The following D2HGDH variants were observed in gnomAD, a reference collection of about 807,000 sequenced individuals.
The protein encoded by D2HGDH is D-2-hydroxyglutarate dehydrogenase, mitochondrial.
Under a neutral mutation model 46.9 loss-of-function variants are expected in D2HGDH, and 31 were observed. The observed-to-expected ratio is 0.66, with a 90% CI of 0.50 to 0.89. The LOEUF (loss-of-function observed/expected upper bound fraction) is 0.89, where lower values mean the gene tolerates loss of function less well. Among genes scored for constraint, D2HGDH ranks in the 40% least tolerant of loss-of-function variants. The pLI is 0.00. For missense variants in D2HGDH, 698 were observed against 720.8 expected, an observed-to-expected ratio of 0.97 and a Z score of 0.36; for synonymous variants, 364 against 332.6, an observed-to-expected ratio of 1.09 and a Z score of -1.03.
At chr2:241,762,736 A>G (rs545055661) in intron 9 of D2HGDH, among the ~76,000 whole-genome samples, 2 of 152,282 alleles carry the variant, frequency 1.3e-5, no homozygotes, top group Middle Eastern at 6.8e-3. Flanking sequence ...TCTGTCTGCT[A>G]AGGTCCACAG....
chr2:241,749,967 A>G (rs1318010081), intron 6 of D2HGDH, 184 bp from the exon 7 acceptor site: 7 of 759,116 alleles, frequency 9.2e-6, no homozygotes, highest in African/African-American at 1.7e-5. Context: ...GCTGGTGGTA[A>G]CACCAGGCGT....
intron 9 of D2HGDH, among the ~76,000 whole-genome samples, chr2:241,761,508 C>T (rs1468783980): frequency 2.6e-5 from 4 of 152,160 alleles, no homozygotes; most frequent in Non-Finnish European, 4.4e-5. Context: ...CACTTCACTC[C>T]AGCCTGGGCA....
chr2:241,763,536 C>T (rs917135406), intron 9 of D2HGDH, among the ~76,000 whole-genome samples: 2 of 152,096 alleles, frequency 1.3e-5, no homozygotes, highest in Admixed American at 6.6e-5. Context: ...AGGAGATGAC[C>T]GTACTCTACT....
chr2:241,745,570 G>C (rs1695647633), intron 6 of D2HGDH, among the ~76,000 whole-genome samples: 1 of 152,186 alleles, frequency 6.6e-6, no homozygotes. Context: ...GACTCCGCAT[G>C]CTTGTTCCTT....
Position 241,743,810 on chromosome 2 carries a change from G to C in D2HGDH, c.679G>C (p.Glu227Gln), listed in dbSNP as rs371840024. 3.1e-6 allele frequency: 5 copies of C among 1,599,250 alleles called. No individual in the cohort carries two copies. The highest frequency in any genetic ancestry group is 4.3e-6 in the Non-Finnish European group (5 of 1,173,544). The change falls in exon 5 of 10, where the codon GAA (glutamate) becomes CAA (glutamine). Residue 227 changes from glutamate (E) to glutamine (Q), a missense_variant. By Grantham distance (29) the Glu-to-Gln change is conservative. Transcript: ENST00000321264. The surrounding 1 kb of genome is among the most constrained non-coding windows in gnomAD (Gnocchi z 4.8). ...ACTGCATGGGACTGTCCTGGGCCTG[G>C]AAGTGGTGAGCTGGGGCAGCTGCTT... is the stretch of plus-strand genomic sequence containing the variant. ...GSLHGTVLGL[E>Q]VVLADGTVLD... is the part of the protein sequence containing the mutation.
intron 2 of D2HGDH, among the ~76,000 whole-genome samples, chr2:241,738,117 G>C (rs1487451724): frequency 1.3e-5 from 2 of 152,188 alleles, no homozygotes; most frequent in Non-Finnish European, 2.9e-5. Context: ...TGGACCAATG[G>C]TCACTGTGTA....
chr2:241,752,137 CTTAG>C (rs1401047595), intron 8 of D2HGDH, among the ~76,000 whole-genome samples: 2 of 152,254 alleles, frequency 1.3e-5, no homozygotes, highest in East Asian at 3.9e-4. Flanking sequence ...TTTACTCCCG[CTTAG>C]TTGATTTCAG....
intron 1 of D2HGDH, chr2:241,734,927 G>A (rs946170655): frequency 3.5e-5 from 13 of 371,268 alleles, no homozygotes; most frequent in Non-Finnish European, 5.3e-5. Flanking sequence ...AGGTCCCGGC[G>A]AGGCCGCCCC....
Position 241,768,205 on chromosome 2 carries a change from A to C in D2HGDH, c.*236A>C. On this transcript the variant is annotated 3_prime_UTR_variant, in exon 10 of 10. Coordinates refer to ENST00000321264, the MANE Select transcript of D2HGDH (RefSeq NM_152783.5). ...TTGCAGGGCGAGGTGGGGCCTCTGCAGCCATCCTGGACAGGCCGGGGTGGC... is the reference window on the plus strand; with the variant it reads ...TTGCAGGGCGAGGTGGGGCCTCTGCCGCCATCCTGGACAGGCCGGGGTGGC... 1 of 662,598 alleles carries C rather than the reference A, an allele frequency of 1.5e-6. No individual in the cohort carries two copies. Among genetic ancestry groups the C allele is most frequent in the Non-Finnish European group, 2.5e-6 (1 of 399,822 alleles). 41.0% of individuals were successfully genotyped at this position (662,598 alleles called of 1,614,324 possible).
rs765147033 is a variant in D2HGDH, at chr2:241,743,772, T to C, written c.641T>C (p.Leu214Pro). The C allele has an allele frequency of 6.2e-7, 1 of 1,610,160 alleles. No individual in the cohort carries two copies. The highest frequency in any genetic ancestry group is 8.5e-7 in the Non-Finnish European group (1 of 1,178,502). ...ACCAACGCTGGAGGCCTGCGGTTTC[T>C]TCGATATGGCTCACTGCATGGGACT... The part of the protein sequence containing the change: ...VATNAGGLRF[L>P]RYGSLHGTVL... The change falls in exon 5 of 10, where the codon CTT becomes CCT. Residue 214 changes from leucine (L) to proline (P), a missense_variant. By Grantham distance (98) the Leu-to-Pro change is moderately conservative. Coordinates refer to ENST00000321264, the MANE Select transcript of D2HGDH (RefSeq NM_152783.5). The surrounding 1 kb of genome is among the most constrained non-coding windows in gnomAD (Gnocchi z 4.8).
At chr2:241,735,576 T>A in intron 2 of D2HGDH, 60 bp downstream of exon 2, 1 of 1,589,944 alleles carries the variant, frequency 6.3e-7, no homozygotes, top group Non-Finnish European at 8.5e-7. Context: ...CGCCTTCCCG[T>A]GGAGGCTTCA....
intron 2 of D2HGDH, among the ~76,000 whole-genome samples, chr2:241,737,242 T>G (rs1693168542): frequency 6.6e-6 from 1 of 152,234 alleles, no homozygotes; most frequent in Non-Finnish European, 1.5e-5. Context: ...AGTGCTGGGA[T>G]TACAGGCATG....
At chr2:241,739,490 G>A (rs1380150974) in intron 2 of D2HGDH, among the ~76,000 whole-genome samples, 1 of 152,230 alleles carries the variant, frequency 6.6e-6, no homozygotes, top group Non-Finnish European at 1.5e-5. Context: ...AGACATAAGT[G>A]GCTTTCTGAT....
At chr2:241,764,319 C>T (rs1008050225) in intron 9 of D2HGDH, among the ~76,000 whole-genome samples, 20 of 152,210 alleles carry the variant, frequency 1.3e-4, no homozygotes, top group African/African-American at 4.8e-4. Flanking sequence ...ATGGACCCTG[C>T]AGCTACAGAC....
At chr2:241,750,697 A>T (rs1235614386) in intron 7 of D2HGDH, among the ~76,000 whole-genome samples, 2 of 151,646 alleles carry the variant, frequency 1.3e-5, no homozygotes, top group Non-Finnish European at 2.9e-5. Flanking sequence ...TTGTTGGGGG[A>T]TGGAGTTTCG....
In D2HGDH at chr2:241,735,449, C is replaced by T. The variant is rs747611514; in HGVS notation, c.225C>T (p.Pro75=). 13 of 1,609,642 alleles carry T rather than the reference C, an allele frequency of 8.1e-6. No homozygotes were observed. In the East Asian group the frequency reaches 2.0e-4, roughly 25 times the overall value. ...QDLAAFERIV[P]GGVVTDPEAL... ...TGGCCGCCTTTGAGCGCATCGTGCC[C>T]GGCGGGGTCGTCACGGACCCGGAAG... Residue 75 remains proline, a synonymous_variant, in exon 2 of 10, where the codon CCC becomes CCT. Transcript: ENST00000321264.
Position 241,743,965 on chromosome 2 carries a change from A to G in D2HGDH, c.684+150A>G. 9 of 833,362 alleles carry G rather than the reference A, an allele frequency of 1.1e-5. No individual in the cohort carries two copies. The highest frequency in any genetic ancestry group is 1.7e-5 in the Non-Finnish European group (9 of 537,436). 51.6% of individuals were successfully genotyped at this position (833,362 alleles called of 1,614,324 possible). A position where few individuals can be genotyped will look rare whatever the true frequency, so the allele number is the denominator to read the frequency against. On this transcript the variant is annotated intron_variant, in intron 5 of 9. Transcript: ENST00000321264. This position sits in a 1 kb window ranked among gnomAD's most constrained non-coding sequence, Gnocchi z 4.8. ...TGGGCCCCTCAAGGATGTGTGGGCTACATACACCCCCATCCTGAGGGAGGC... is the reference window on the plus strand; with the variant it reads ...TGGGCCCCTCAAGGATGTGTGGGCTGCATACACCCCCATCCTGAGGGAGGC...
chr2:241,744,237 C>A (rs1050860758), intron 5 of D2HGDH, among the ~76,000 whole-genome samples: 1 of 152,236 alleles, frequency 6.6e-6, no homozygotes, highest in Non-Finnish European at 1.5e-5. Flanking sequence ...GTCCTGTTTA[C>A]CCAAGTGGAC....
At chr2:241,752,477 C>T (rs887367090) in intron 8 of D2HGDH, among the ~76,000 whole-genome samples, 10 of 152,078 alleles carry the variant, frequency 6.6e-5, no homozygotes, top group African/African-American at 2.4e-4. Flanking sequence ...ATCCCCAGGC[C>T]CCAGGGACCA....
Sources: allele counts gnomAD v4.1 joint callset (sites outside exome capture counted in the v4.1 genomes callset), GRCh38; gene constraint gnomAD v4.1.1; non-coding constraint Gnocchi (gnomAD v3.1); transcripts MANE v1.5; gene names NCBI Gene and HGNC (gene_info 2026-07-23, HGNC 2026-07-21).